RNF19A: variants seen among roughly 807,000 people sequenced by gnomAD.
RNF19A encodes the protein E3 ubiquitin-protein ligase RNF19A.
In RNF19A, 32 loss-of-function variants were observed where a neutral mutation model predicts 75.7. The observed-to-expected ratio is 0.42, with a 90% CI of 0.32 to 0.57. RNF19A has a LOEUF of 0.57. Among genes scored for constraint, RNF19A ranks in the 20% least tolerant of loss-of-function variants. The pLI is 0.10. For synonymous variants in RNF19A, 335 were observed against 345.2 expected, an observed-to-expected ratio of 0.97 and a Z score of 0.33; for missense variants, 782 against 1,036.3, an observed-to-expected ratio of 0.75 and a Z score of 3.37.
intron 2 of RNF19A, among the ~76,000 whole-genome samples, chr8:100,282,074 G>C (rs943283700): frequency 2.6e-5 from 4 of 152,176 alleles, no homozygotes; most frequent in Non-Finnish European, 5.9e-5. Context: ...ACTAGTTGGG[G>C]AAGTCTGTCC....
intron 1 of RNF19A, among the ~76,000 whole-genome samples, chr8:100,334,568 T>TGGA (rs1344463483): frequency 6.6e-5 from 10 of 152,224 alleles, no homozygotes. Context: ...AAAATATGGC[T>TGGA]GCTCACCTTC....
rs191805298 is a variant in RNF19A, at chr8:100,258,431, T to C, written c.*125A>G. 735 of 725,842 alleles carry C rather than the reference T, an allele frequency of 1.0e-3. 5 individuals carry two copies. The highest frequency in any genetic ancestry group is 3.6e-3 in the Middle Eastern group (13 of 3,638). The allele number at this position is 725,842 out of a possible 1,614,324, so 45.0% of individuals were successfully genotyped here. A position where few individuals can be genotyped will look rare whatever the true frequency, so the allele number is the denominator to read the frequency against. ...ACAATGCCTTGCTGAACACAGAAAA[T>C]GTATCTGCATTATGATAATGAAACC... On this transcript the variant is annotated 3_prime_UTR_variant, in exon 10 of 10. Coordinates refer to ENST00000341084, the MANE Select transcript of RNF19A (RefSeq NM_183419.4). The surrounding 1 kb of genome is among the most constrained non-coding windows in gnomAD (Gnocchi z 4.3).
In RNF19A at chr8:100,259,120, A is replaced by T. The variant is rs754853420; in HGVS notation, c.1953T>A (p.Ser651Arg). Residue 651 changes from serine to arginine, a missense_variant, in exon 10 of 10, where the codon AGT becomes AGA. Physicochemically the swap from Ser to Arg is moderately radical, Grantham distance 110. This residue lies in a region of RNF19A where 442 missense variants were observed against 541.6 expected (regional missense o/e 0.82). Transcript: ENST00000341084. The surrounding 1 kb of genome is among the most constrained non-coding windows in gnomAD (Gnocchi z 4.5). Reference protein sequence around the residue: ...ATRSHAGGSSSGLPEGKSSAT... With the variant: ...ATRSHAGGSSRGLPEGKSSAT... ...CACTAGATTTACCTTCAGGCAAGCC[A>T]CTGGATGAACCGCCAGCATGACTTC... 7.4e-6 allele frequency: 12 copies of T among 1,614,036 alleles called. 1 individual carries two copies. In the African/African-American group the frequency reaches 8.0e-5, roughly 11 times the overall value.
In RNF19A at chr8:100,330,562, C is replaced by A. The variant is rs576689459; in HGVS notation, c.-243+5546G>T. On this transcript the variant is annotated intron_variant, in intron 1 of 3. Coordinates refer to the RNF19A transcript ENST00000519527. This position sits in a 1 kb window ranked among gnomAD's most constrained non-coding sequence, Gnocchi z 4.1. Reference sequence around the variant, plus strand: ...CAAAGCTGGAGTTGCCAGAAGCCAACATGTGGAAAGAGTCTGCAAGAGAAT... The same window carrying A: ...CAAAGCTGGAGTTGCCAGAAGCCAAAATGTGGAAAGAGTCTGCAAGAGAAT... Among the ~76,000 whole-genome samples, 2 of 152,294 alleles carry A rather than the reference C, an allele frequency of 1.3e-5. No homozygotes were observed. Among genetic ancestry groups the A allele is most frequent in the Admixed American group, 1.3e-4 (2 of 15,308 alleles).
At chr8:100,288,321 T>A (rs1821129214) in intron 1 of RNF19A, 54 bp from the exon 2 acceptor site, 20 of 1,122,864 alleles carry the variant, frequency 1.8e-5, no homozygotes, top group Non-Finnish European at 2.2e-5. Context: ...TCTTAGTTTG[T>A]ATATTTTTAT....
chr8:100,306,095 T>C (rs990860683), intron 1 of RNF19A, among the ~76,000 whole-genome samples: 3 of 152,190 alleles, frequency 2.0e-5, no homozygotes, highest in African/African-American at 7.2e-5. Flanking sequence ...GCAACCTGCC[T>C]GCTATTCAAA....
At chr8:100,298,759 C>T (rs1335213263) in intron 1 of RNF19A, among the ~76,000 whole-genome samples, 1 of 152,152 alleles carries the variant, frequency 6.6e-6, no homozygotes, top group Non-Finnish European at 1.5e-5. Flanking sequence ...ATATTCACTA[C>T]TCAAGTTATT....
At position 100,334,540 on chromosome 8, in the gene RNF19A, G is replaced by C. The variant is rs141765384; in HGVS notation, c.-243+1568C>G. Among the ~76,000 whole-genome samples, 750 of 152,310 alleles carry C rather than the reference G, an allele frequency of 4.9e-3. 5 individuals carry two copies. Among genetic ancestry groups the C allele is most frequent in the African/African-American group, 0.017 (713 of 41,558 alleles). On this transcript the variant is annotated intron_variant, in intron 1 of 3. Transcript: ENST00000519527. ...TCTGAGCCCTGGCTGCACATTATAA[G>C]TATCTGGGGAGCTTTAAAAAATATG...
chr8:100,316,945 G>A lies in RNF19A; in HGVS notation c.-242-3573C>T, dbSNP rs528345535. Reference sequence around the variant, plus strand: ...CGGGAAGGCAGCTAAGGGTCGGTGAGAAATCGAGCGCAGCGCCGGTGGGCT... The same window carrying A: ...CGGGAAGGCAGCTAAGGGTCGGTGAAAAATCGAGCGCAGCGCCGGTGGGCT... On this transcript the variant is annotated intron_variant, in intron 1 of 3. Transcript: ENST00000519527. Among the ~76,000 whole-genome samples the A allele has an allele frequency of 5.1e-3, 784 of 152,352 alleles. 6 individuals carry two copies. The highest frequency in any genetic ancestry group is 0.018 in the African/African-American group (749 of 41,572).
At chr8:100,327,754 C>G (rs971811628) in intron 1 of RNF19A, among the ~76,000 whole-genome samples, 2 of 152,070 alleles carry the variant, frequency 1.3e-5, no homozygotes, top group Non-Finnish European at 2.9e-5. Flanking sequence ...GAAAATAACA[C>G]AAAAAGGGCA....
At chr8:100,277,789 A>AT (rs147432652) in intron 2 of RNF19A, among the ~76,000 whole-genome samples, 31 of 151,922 alleles carry the variant, frequency 2.0e-4, no homozygotes, top group South Asian at 1.7e-3. Context: ...AAAAGACCCT[A>AT]TTTTTTTTAA....
intron 7 of RNF19A, among the ~76,000 whole-genome samples, chr8:100,262,843 T>C (rs1378779091): frequency 2.6e-5 from 4 of 151,996 alleles, no homozygotes; most frequent in African/African-American, 9.7e-5. Flanking sequence ...TGGCTAAATA[T>C]TGAAGGAAGC....
chr8:100,318,580 T>C (rs531220632), intron 1 of RNF19A, among the ~76,000 whole-genome samples: 1 of 152,362 alleles, frequency 6.6e-6, no homozygotes, highest in South Asian at 2.1e-4. Context: ...AATATAACTG[T>C]AAGCAATGAG....
chr8:100,260,738 T>C lies in RNF19A; in HGVS notation c.1683-741A>G, dbSNP rs1642966509. 6.6e-6 allele frequency among the ~76,000 whole-genome samples: 1 copy of C among 152,180 alleles called. No homozygotes were observed. Among genetic ancestry groups the C allele is most frequent in the African/African-American group, 2.4e-5 (1 of 41,450 alleles). ...ATAAGCCTAAGTGAAAAATAGTGAA[T>C]TAAAGAGAAACAGGGGAAGATAATT... is the stretch of plus-strand genomic sequence containing the variant. On this transcript the variant is annotated intron_variant, in intron 8 of 9. Transcript: ENST00000341084. This position sits in a 1 kb window ranked among gnomAD's most constrained non-coding sequence, Gnocchi z 4.1.
chr8:100,288,135 C>T lies in RNF19A; in HGVS notation c.40G>A (p.Glu14Lys), dbSNP rs902823745. ...QEIGFISKYNEGLCVNTDPVS... is the reference protein window; with the variant it reads ...QEIGFISKYNKGLCVNTDPVS... The stretch of plus-strand genomic sequence containing the variant: ...GGGTCAGTGTTTACACACAGCCCTT[C>T]ATTATATTTAGAGATAAAACCTATT... The change falls in exon 2 of 10, where the codon GAA (glutamate) becomes AAA (lysine). Residue 14 changes from glutamate (E) to lysine (K), a missense_variant. Around this residue, in one of 7 missense-constraint regions of RNF19A, gnomAD observed 148 missense variants for 147.9 expected, o/e 1.00. Coordinates refer to ENST00000341084, the MANE Select transcript of RNF19A (RefSeq NM_183419.4). 3 of 1,612,244 alleles carry T rather than the reference C, an allele frequency of 1.9e-6. No homozygotes were observed. The highest frequency in any genetic ancestry group is 1.3e-5 in the African/African-American group (1 of 74,838).
Position 100,269,056 on chromosome 8 carries a change from G to T in RNF19A, c.1029-109C>A. 1.3e-6 allele frequency: 1 copy of T among 758,182 alleles called. No individual in the cohort carries two copies. The highest frequency in any genetic ancestry group is 1.9e-6 in the Non-Finnish European group (1 of 518,532). 47.0% of individuals were successfully genotyped at this position (758,182 alleles called of 1,614,324 possible). ...TTTTAAAAACTTCTCATAGTTAGGAGCTTTTTTCCCCTTTAAATTCTGAGT... is the reference window on the plus strand; with the variant it reads ...TTTTAAAAACTTCTCATAGTTAGGATCTTTTTTCCCCTTTAAATTCTGAGT... On this transcript the variant is annotated intron_variant, in intron 4 of 9. Coordinates refer to ENST00000341084, the MANE Select transcript of RNF19A (RefSeq NM_183419.4). The surrounding 1 kb of genome is among the most constrained non-coding windows in gnomAD (Gnocchi z 5.7).
chr8:100,331,767 C>T lies in RNF19A; in HGVS notation c.-243+4341G>A, dbSNP rs1045122649. On this transcript the variant is annotated intron_variant, in intron 1 of 3. Transcript: ENST00000519527. The surrounding 1 kb of genome is among the most constrained non-coding windows in gnomAD (Gnocchi z 5.2). ...GCCTCTCCTGCAGACAACTATTATC[C>T]GTTTCATATGTATTGATCAAAAGCA... Among the ~76,000 whole-genome samples the T allele has an allele frequency of 3.3e-5, 5 of 152,074 alleles. No individual in the cohort carries two copies. Among genetic ancestry groups the T allele is most frequent in the Admixed American group, 1.3e-4 (2 of 15,268 alleles).
chr8:100,280,359 T>C (rs537629825), intron 2 of RNF19A, among the ~76,000 whole-genome samples: 1 of 152,266 alleles, frequency 6.6e-6, no homozygotes, highest in African/African-American at 2.4e-5. Context: ...TGTTTGTGTG[T>C]CTGTGAAGAG....
intron 1 of RNF19A, among the ~76,000 whole-genome samples, chr8:100,292,758 A>G (rs1365167804): frequency 6.6e-6 from 1 of 152,112 alleles, no homozygotes; most frequent in Admixed American, 6.5e-5. Context: ...CCCCCTACAT[A>G]CATACTGATT....
Sources: gnomAD v4.1 joint callset for allele counts (sites outside exome capture counted in the v4.1 genomes callset) on GRCh38, gnomAD v4.1.1 for gene constraint, gnomAD v4.1.1 regional missense constraint, Gnocchi (gnomAD v3.1) non-coding constraint, MANE v1.5 for transcripts, NCBI Gene and HGNC (gene_info 2026-07-23, HGNC 2026-07-21) for gene names.